The following GNAQ variants were observed in gnomAD, a reference collection of about 807,000 sequenced individuals.
GNAQ encodes the protein G protein subunit alpha q.
A neutral mutation model predicts 43.9 loss-of-function variants in GNAQ; 8 were observed. That is an observed-to-expected ratio of 0.18 (90% CI 0.11 to 0.33). GNAQ has a LOEUF of 0.33. GNAQ is among the 10% of genes least tolerant of loss of function. GNAQ has a pLI of 1.00. For missense variants in GNAQ, 158 were observed against 450.8 expected (o/e 0.35, Z 5.88); for synonymous variants, 155 against 170.7 (o/e 0.91, Z 0.71).
intron 1 of GNAQ, among the ~76,000 whole-genome samples, chr9:77,970,486 AG>A (rs1823224425): frequency 6.6e-6 from 1 of 152,230 alleles, no homozygotes; most frequent in Admixed American, 6.5e-5. Context: ...GGTTGAAGGC[AG>A]GGGCAGTCCT....
At chr9:77,960,046 T>A (rs1241872423) in intron 1 of GNAQ, among the ~76,000 whole-genome samples, 2 of 152,212 alleles carry the variant, frequency 1.3e-5, no homozygotes, top group African/African-American at 2.4e-5. Context: ...TTCTTTTTTT[T>A]TTATTCATAT....
intron 2 of GNAQ, among the ~76,000 whole-genome samples, chr9:77,881,504 G>A (rs372553401): frequency 2.0e-5 from 3 of 152,094 alleles, no homozygotes; most frequent in Admixed American, 6.5e-5. Flanking sequence ...TCAGCCCCCC[G>A]AGTAGCTGGG....
chr9:77,823,742 T>C (rs1564121526), intron 2 of GNAQ, among the ~76,000 whole-genome samples: 1 of 152,144 alleles, frequency 6.6e-6, no homozygotes, highest in East Asian at 1.9e-4. Flanking sequence ...TCACTCACTA[T>C]CATGAGAACA....
intron 1 of GNAQ, among the ~76,000 whole-genome samples, chr9:77,979,247 T>C (rs1823339303): frequency 6.6e-6 from 1 of 151,518 alleles, no homozygotes; most frequent in Admixed American, 6.6e-5. Context: ...TCCCAGTTAC[T>C]CGGGACGCTG....
intron 2 of GNAQ, among the ~76,000 whole-genome samples, chr9:77,876,334 G>A (rs932641060): frequency 2.0e-5 from 3 of 152,242 alleles, no homozygotes; most frequent in Non-Finnish European, 2.9e-5. Flanking sequence ...GCCAGGCCTC[G>A]GTTAACTTTC....
chr9:77,918,179 A>G (rs1364866101), intron 2 of GNAQ, among the ~76,000 whole-genome samples: 1 of 152,198 alleles, frequency 6.6e-6, no homozygotes, highest in Non-Finnish European at 1.5e-5. Flanking sequence ...AGAAGAGCTC[A>G]TATAATGTAC....
At chr9:77,811,757 T>G (rs1826931677) in intron 3 of GNAQ, among the ~76,000 whole-genome samples, 1 of 152,148 alleles carries the variant, frequency 6.6e-6, no homozygotes, top group Admixed American at 6.5e-5. Context: ...CCTGGCACAG[T>G]GGGATTAAGG....
intron 2 of GNAQ, among the ~76,000 whole-genome samples, chr9:77,878,623 C>T (rs541207574): frequency 1.2e-4 from 18 of 150,358 alleles, no homozygotes; most frequent in Admixed American, 9.9e-4. Context: ...TAAAGAAAAC[C>T]GGGTAATAAG....
chr9:77,827,956 A>T (rs1318864785), intron 2 of GNAQ, among the ~76,000 whole-genome samples: 1 of 148,520 alleles, frequency 6.7e-6, no homozygotes, highest in African/African-American at 2.5e-5. Context: ...GCTACTTGGG[A>T]GGCTGAGGCA....
In GNAQ at chr9:77,729,004, T is replaced by A. The variant is rs1825443732; in HGVS notation, c.736-337A>T. 2.0e-5 allele frequency among the ~76,000 whole-genome samples: 3 copies of A among 152,230 alleles called. No homozygotes were observed. The South Asian group carries it at 6.2e-4, about 32-fold the overall frequency. ...TAAATTCCCATCAAAAATCATTCAT[T>A]AATGACTAAATATTTGAGATCTGAA... On this transcript the variant is annotated intron_variant, in intron 5 of 6. Transcript: ENST00000286548.
intron 1 of GNAQ, among the ~76,000 whole-genome samples, chr9:77,945,348 A>AAG (rs893923558): frequency 6.6e-6 from 1 of 150,776 alleles, no homozygotes; most frequent in Non-Finnish European, 1.5e-5. Context: ...TTTAAAAAAA[A>AAG]AGAGAGAGAG....
chr9:77,793,004 G>T (rs1030012881), intron 5 of GNAQ, among the ~76,000 whole-genome samples: 1 of 151,888 alleles, frequency 6.6e-6, no homozygotes, highest in African/African-American at 2.4e-5. Flanking sequence ...ATATAGTAGG[G>T]AAGCCCTCAA....
intron 2 of GNAQ, among the ~76,000 whole-genome samples, chr9:77,876,314 G>C (rs943239272): frequency 6.6e-6 from 1 of 152,170 alleles, no homozygotes; most frequent in Non-Finnish European, 1.5e-5. Flanking sequence ...TGGAGAATGA[G>C]GCCTTGTCAG....
chr9:77,963,517 A>G (rs2118429115), intron 1 of GNAQ, among the ~76,000 whole-genome samples: 1 of 152,304 alleles, frequency 6.6e-6, no homozygotes, highest in Non-Finnish European at 1.5e-5. Flanking sequence ...GAAATGAAAC[A>G]TGGCCTTACC....
intron 1 of GNAQ, among the ~76,000 whole-genome samples, chr9:77,978,651 C>T (rs1302317699): frequency 6.6e-6 from 1 of 152,220 alleles, no homozygotes; most frequent in African/African-American, 2.4e-5. Flanking sequence ...ATGCTCAACT[C>T]CTAGAAAAGG....
chr9:77,827,414 C>T (rs1301396797), intron 2 of GNAQ, among the ~76,000 whole-genome samples: 1 of 150,048 alleles, frequency 6.7e-6, no homozygotes, highest in East Asian at 2.0e-4. Context: ...GAGCAACTTG[C>T]ATTGCTTTTT....
intron 5 of GNAQ, among the ~76,000 whole-genome samples, chr9:77,739,737 G>C (rs1299589745): frequency 6.6e-6 from 1 of 152,218 alleles, no homozygotes; most frequent in Non-Finnish European, 1.5e-5. Flanking sequence ...CAGGAGCAAA[G>C]TGTGTTTGGA....
intron 1 of GNAQ, among the ~76,000 whole-genome samples, chr9:77,980,691 T>C (rs1378712359): frequency 1.3e-5 from 2 of 152,062 alleles, no homozygotes; most frequent in Non-Finnish European, 2.9e-5. Context: ...TCACAATTTA[T>C]CCAAATTCAA....
chr9:77,851,459 G>C (rs1827675280), intron 2 of GNAQ, among the ~76,000 whole-genome samples: 1 of 152,334 alleles, frequency 6.6e-6, no homozygotes, highest in South Asian at 2.1e-4. Flanking sequence ...TGAGAAAGTA[G>C]AGCTGGACGT....
Sources: gnomAD v4.1 joint callset for allele counts (sites outside exome capture counted in the v4.1 genomes callset) on GRCh38, gnomAD v4.1.1 for gene constraint, MANE v1.5 for transcripts, NCBI Gene and HGNC (gene_info 2026-07-23, HGNC 2026-07-21) for gene names.